Variants in RASAL2 observed in about 807,000 individuals in gnomAD.
RASAL2 encodes the protein RAS protein activator like 2, also known as ras GTPase-activating protein nGAP.
In RASAL2, 58 loss-of-function variants were observed where a neutral mutation model predicts 128.9. The observed-to-expected ratio is 0.45, with a 90% CI of 0.36 to 0.56. The LOEUF (loss-of-function observed/expected upper bound fraction) is 0.56. RASAL2 is among the 20% of genes least tolerant of loss of function. RASAL2 has a pLI of 0.00. For synonymous variants in RASAL2, 561 were observed against 580.8 expected (o/e 0.97, Z 0.49); for missense variants, 1,360 against 1,601.6 (o/e 0.85, Z 2.57).
intron 1 of RASAL2, among the ~76,000 whole-genome samples, chr1:178,253,363 C>A (rs1038942023): frequency 6.6e-6 from 1 of 152,164 alleles, no homozygotes; most frequent in Non-Finnish European, 1.5e-5. Flanking sequence ...GGGTCACAAT[C>A]GCAGATACCA....
Position 178,352,222 on chromosome 1 carries a change from T to C in RASAL2, c.458-37878T>C, listed in dbSNP as rs192523224. ...TAAAAACAGAATGCTATAAATAGAATGATGTCTTTTGTTTTCAAAGTTGAT... is the reference window on the plus strand; with the variant it reads ...TAAAAACAGAATGCTATAAATAGAACGATGTCTTTTGTTTTCAAAGTTGAT... On this transcript the variant is annotated intron_variant, in intron 3 of 17. Coordinates refer to ENST00000367649, the MANE Select transcript of RASAL2 (RefSeq NM_170692.4). 2.0e-3 allele frequency among the ~76,000 whole-genome samples: 298 copies of C among 152,366 alleles called. 1 individual carries two copies. The highest frequency in any genetic ancestry group is 3.9e-3 in the Admixed American group (60 of 15,300).
chr1:178,454,334 T>C, intron 11 of RASAL2, 113 bp from the exon 12 acceptor site: 1 of 761,808 alleles, frequency 1.3e-6, no homozygotes, highest in Non-Finnish European at 2.1e-6. Context: ...TAAACAAAAT[T>C]AGTCATTCCC....
intron 3 of RASAL2, among the ~76,000 whole-genome samples, chr1:178,362,736 T>C (rs1671189528): frequency 6.6e-6 from 1 of 152,080 alleles, no homozygotes; most frequent in South Asian, 2.1e-4. Context: ...TTTTTTTAAT[T>C]CCACATATAA....
intron 3 of RASAL2, among the ~76,000 whole-genome samples, chr1:178,306,389 T>A (rs915092036): frequency 6.6e-6 from 1 of 152,170 alleles, no homozygotes; most frequent in African/African-American, 2.4e-5. Context: ...GCAGCATGAT[T>A]TATAGTCCTT....
intron 1 of RASAL2, among the ~76,000 whole-genome samples, chr1:178,246,253 T>G (rs1286745270): frequency 1.3e-5 from 2 of 152,196 alleles, no homozygotes; most frequent in East Asian, 3.9e-4. Context: ...TGAGCAGTGG[T>G]TTGTAGTTCT....
chr1:178,308,219 C>T (rs529978343), intron 3 of RASAL2, among the ~76,000 whole-genome samples: 15 of 151,948 alleles, frequency 9.9e-5, no homozygotes, highest in Non-Finnish European at 2.1e-4. Context: ...AGTATGCCTC[C>T]GATATATTCT....
intron 1 of RASAL2, among the ~76,000 whole-genome samples, chr1:178,176,253 G>A (rs1021852940): frequency 6.6e-6 from 1 of 152,020 alleles, no homozygotes; most frequent in African/African-American, 2.4e-5. Context: ...GGCCATTCTT[G>A]CGTGGCCATT....
At chr1:178,252,996 A>G (rs981478408) in intron 1 of RASAL2, among the ~76,000 whole-genome samples, 5 of 152,194 alleles carry the variant, frequency 3.3e-5, no homozygotes, top group African/African-American at 1.2e-4. Context: ...AATTACCACA[A>G]AGAGGTAGCT....
chr1:178,164,709 G>T (rs1661458062), intron 1 of RASAL2, among the ~76,000 whole-genome samples: 1 of 151,798 alleles, frequency 6.6e-6, no homozygotes, highest in Non-Finnish European at 1.5e-5. Flanking sequence ...TGATATAGTT[G>T]ATAAATTACC....
chr1:178,467,290 C>G (rs1572132748), intron 16 of RASAL2, 44 bp from the exon 17 acceptor site: 1 of 1,497,844 alleles, frequency 6.7e-7, no homozygotes, highest in Admixed American at 1.7e-5. Flanking sequence ...ACTAGCTAGC[C>G]CTTTCTTTGA....
At chr1:178,228,723 C>G (rs1663882568) in intron 1 of RASAL2, among the ~76,000 whole-genome samples, 1 of 152,124 alleles carries the variant, frequency 6.6e-6, no homozygotes, top group South Asian at 2.1e-4. Flanking sequence ...ATGTGGATTT[C>G]AGGACTCAAA....
intron 3 of RASAL2, among the ~76,000 whole-genome samples, chr1:178,321,430 T>G (rs1668774063): frequency 6.6e-6 from 1 of 152,168 alleles, no homozygotes; most frequent in Admixed American, 6.5e-5. Context: ...AAATCTGGCT[T>G]TATTTGCCAC....
chr1:178,253,399 G>C (rs932936239), intron 1 of RASAL2, among the ~76,000 whole-genome samples: 2 of 152,076 alleles, frequency 1.3e-5, no homozygotes, highest in African/African-American at 4.8e-5. Flanking sequence ...ACATACTTTT[G>C]GGGGGCATAC....
At chr1:178,139,269 G>A (rs184922944) in intron 1 of RASAL2, among the ~76,000 whole-genome samples, 1 of 151,900 alleles carries the variant, frequency 6.6e-6, no homozygotes, top group Admixed American at 6.6e-5. Flanking sequence ...GGGAATAAGG[G>A]AACTTTTTTC....
chr1:178,394,102 G>A (rs1334157473), intron 4 of RASAL2, among the ~76,000 whole-genome samples: 1 of 152,130 alleles, frequency 6.6e-6, no homozygotes, highest in African/African-American at 2.4e-5. Context: ...GTTGGTAACT[G>A]AAACTAGATA....
At chr1:178,251,677 A>G (rs549520675) in intron 1 of RASAL2, among the ~76,000 whole-genome samples, 1 of 152,330 alleles carries the variant, frequency 6.6e-6, no homozygotes, top group African/African-American at 2.4e-5. Flanking sequence ...GTAGAATTGT[A>G]TGTTAATTCA....
chr1:178,339,705 C>G (rs1168768256), intron 3 of RASAL2, among the ~76,000 whole-genome samples: 1 of 152,172 alleles, frequency 6.6e-6, no homozygotes, highest in Non-Finnish European at 1.5e-5. Context: ...TTTGGTTTCA[C>G]ATTTCTCCCC....
At chr1:178,133,383 T>C (rs1205992892) in intron 1 of RASAL2, among the ~76,000 whole-genome samples, 1 of 152,192 alleles carries the variant, frequency 6.6e-6, no homozygotes, top group East Asian at 1.9e-4. Context: ...CTAGCAACTC[T>C]ATGAATAGCA....
chr1:178,165,828 A>G (rs1661499548), intron 1 of RASAL2, among the ~76,000 whole-genome samples: 1 of 152,148 alleles, frequency 6.6e-6, no homozygotes, highest in African/African-American at 2.4e-5. Context: ...GAGAAAGTTA[A>G]TGTCTCTTGT....
Sources: allele counts gnomAD v4.1 joint callset (sites outside exome capture counted in the v4.1 genomes callset), GRCh38; gene constraint gnomAD v4.1.1; transcripts MANE v1.5; gene names NCBI Gene and HGNC (gene_info 2026-07-23, HGNC 2026-07-21).